Variants in TXK observed in about 807,000 individuals in gnomAD.
TXK encodes tyrosine-protein kinase TXK.
In TXK, 60 loss-of-function variants were observed where a neutral mutation model predicts 81.0. The observed-to-expected ratio is 0.74, with a 90% CI of 0.60 to 0.92. The LOEUF is 0.92. Ranked by LOEUF, TXK falls within the 40% of genes least tolerant of loss-of-function variation. The pLI is 0.00. For synonymous variants in TXK, 203 were observed against 210.7 expected, an observed-to-expected ratio of 0.96 and a Z score of 0.32; for missense variants, 581 against 638.3, an observed-to-expected ratio of 0.91 and a Z score of 0.97.
chr4:48,102,944 T>C (rs926318556), intron 6 of TXK, among the ~76,000 whole-genome samples: 12 of 152,130 alleles, frequency 7.9e-5, no homozygotes, highest in East Asian at 1.9e-4. Context: ...TACAAACACA[T>C]GGACAAAACA....
At chr4:48,084,837 GTTAATCGAGAATGGGTCCA>G in intron 10 of TXK, among the ~76,000 whole-genome samples, 1 of 135,048 alleles carries the variant, frequency 7.4e-6, no homozygotes, top group South Asian at 2.5e-4. Flanking sequence ...AATGGGTCCA[GTTAATCGAGAATGGGTCCA>G]GTTAATCGAG....
rs1376806325 is a variant in TXK, at chr4:48,134,202, T to C, written c.-32A>G. On this transcript the variant is annotated 5_prime_UTR_variant, in exon 1 of 15. Coordinates refer to ENST00000264316, the MANE Select transcript of TXK (RefSeq NM_003328.3). ...CCCTTCTGCGGGGAGCACACAACAG[T>C]CTTCAGTTCTTCTGCGGTGCTCTAC... 1 of 1,611,602 alleles carries C rather than the reference T, an allele frequency of 6.2e-7. No individual in the cohort carries two copies. The highest frequency in any genetic ancestry group is 2.2e-5 in the East Asian group (1 of 44,830).
chr4:48,114,388 A>C lies in TXK; in HGVS notation c.31T>G (p.Ser11Ala). 1 of 1,614,100 alleles carries C rather than the reference A, an allele frequency of 6.2e-7. No homozygotes were observed. Among genetic ancestry groups the C allele is most frequent in the East Asian group, 2.2e-5 (1 of 44,886 alleles). Residue 11 changes from serine to alanine, a missense_variant, in exon 2 of 15, where the codon TCG (serine) becomes GCG (alanine). Ser to Ala is a moderately conservative substitution (Grantham distance 99). Transcript: ENST00000264316. MILSSYNTIQ[S>A]VFCCCCCCSV... ...CAGCAACAGCAGCAACAGAAAACCG[A>C]CTGGATGGTGTTATCTGAAAAGCAG...
At chr4:48,116,871 C>A (rs898793897) in intron 1 of TXK, among the ~76,000 whole-genome samples, 4 of 152,042 alleles carry the variant, frequency 2.6e-5, no homozygotes, top group Admixed American at 6.6e-5. Context: ...CAGTCCACCC[C>A]TCAGCATCCA....
rs142261191 is a variant in TXK, at chr4:48,128,757, C to T, written c.16+5398G>A. 7.2e-3 allele frequency among the ~76,000 whole-genome samples: 1,089 copies of T among 151,652 alleles called. 15 individuals carry two copies. Among genetic ancestry groups the T allele is most frequent in the African/African-American group, 0.025 (1,026 of 41,338 alleles). On this transcript the variant is annotated intron_variant, in intron 1 of 14. Coordinates refer to ENST00000264316, the MANE Select transcript of TXK (RefSeq NM_003328.3). ...TTTCTTTTTGTATTTTTAGTAGAGA[C>T]GGGGTTTCACTGTGTTAGTCAGGAT...
chr4:48,118,515 T>G (rs1467324848), intron 1 of TXK, among the ~76,000 whole-genome samples: 2 of 152,198 alleles, frequency 1.3e-5, no homozygotes, highest in Non-Finnish European at 2.9e-5. Context: ...GATTTCACAG[T>G]CCTTTGAATC....
intron 6 of TXK, among the ~76,000 whole-genome samples, chr4:48,098,899 C>T (rs1316292987): frequency 2.0e-5 from 3 of 151,934 alleles, no homozygotes; most frequent in Admixed American, 1.3e-4. Context: ...CGCCACTGCC[C>T]TCCAGTTTGG....
At chr4:48,105,013 G>A (rs1577672256) in intron 5 of TXK, 58 bp from the exon 6 acceptor site, 3 of 1,292,254 alleles carry the variant, frequency 2.3e-6, no homozygotes, top group East Asian at 2.6e-5. Context: ...TAAGAAAAAA[G>A]TGCTTCATTT....
chr4:48,112,264 G>T, intron 4 of TXK, 43 bp downstream of exon 4: 1 of 1,576,808 alleles, frequency 6.3e-7, no homozygotes, highest in South Asian at 1.1e-5. Flanking sequence ...TCTTCTTTGT[G>T]TTGGAAGAAT....
At chr4:48,125,266 A>T (rs574103473) in intron 1 of TXK, among the ~76,000 whole-genome samples, 3 of 152,366 alleles carry the variant, frequency 2.0e-5, no homozygotes, top group South Asian at 2.1e-4. Context: ...AGAGGCAAAC[A>T]TGGCTAGAAC....
chr4:48,132,040 A>ATTT lies in TXK; in HGVS notation c.16+2112_16+2114dup, dbSNP rs35357614. On this transcript the variant is annotated intron_variant, in intron 1 of 14. Coordinates refer to ENST00000264316, the MANE Select transcript of TXK (RefSeq NM_003328.3). Reference sequence around the variant, plus strand: ...AGGTCAGCACAACTGGAATAACCTGATTTTTTTTTTTTTTTTTTACAAAAT... The same window carrying ATTT: ...AGGTCAGCACAACTGGAATAACCTGATTTTTTTTTTTTTTTTTTTTTACAAAAT... Among the ~76,000 whole-genome samples the ATTT allele has an allele frequency of 1.0e-3, 141 of 138,864 alleles. 1 individual carries two copies. The highest frequency in any genetic ancestry group is 3.7e-3 in the Middle Eastern group (1 of 270). The allele number at this position is 138,864 out of a possible 152,430, so 91.1% of individuals were successfully genotyped here. A position where few individuals can be genotyped will look rare whatever the true frequency, so the allele number is the denominator to read the frequency against.
intron 13 of TXK, among the ~76,000 whole-genome samples, chr4:48,072,295 G>A (rs1406378612): frequency 6.6e-6 from 1 of 152,068 alleles, no homozygotes; most frequent in Non-Finnish European, 1.5e-5. Flanking sequence ...AAGCCATCAC[G>A]CCCGGCCTAG....
rs1222748993 is a variant in TXK at position 48,080,370 on chromosome 4, C to T, written c.957-242G>A. On this transcript the variant is annotated intron_variant, in intron 10 of 14. Transcript: ENST00000264316. ...GAGACAGAATATACACTATATTCTA[C>T]GCGTAAGCATTTTATGTTTCTCCTC... 2.0e-5 allele frequency among the ~76,000 whole-genome samples: 3 copies of T among 152,174 alleles called. No homozygotes were observed. In the South Asian group the frequency reaches 6.2e-4, roughly 32 times the overall value.
At chr4:48,107,174 A>T (rs896210357) in intron 5 of TXK, among the ~76,000 whole-genome samples, 2 of 151,270 alleles carry the variant, frequency 1.3e-5, no homozygotes, top group South Asian at 4.2e-4. Context: ...AGTTTGAATT[A>T]AGCTGATTGT....
In TXK at chr4:48,067,499, CTG is replaced by C. The variant is rs1472888384; in HGVS notation, c.*136_*137del. ...CTTAAATTTTTAAAACTTTTAAAAACTGTGATCTTTGCACTGTTTTCAAGAGT... is the reference window on the plus strand; with the variant it reads ...CTTAAATTTTTAAAACTTTTAAAAACTGATCTTTGCACTGTTTTCAAGAGT... On this transcript the variant is annotated 3_prime_UTR_variant, in exon 15 of 15. Transcript: ENST00000264316. The C allele has an allele frequency of 4.6e-6, 4 of 875,704 alleles. No homozygotes were observed. In the Admixed American group the frequency reaches 9.8e-5, roughly 21 times the overall value. The allele number at this position is 875,704 out of a possible 1,614,324, so 54.2% of individuals were successfully genotyped here.
chr4:48,069,987 A>C (rs574062302), intron 14 of TXK, among the ~76,000 whole-genome samples: 12 of 152,356 alleles, frequency 7.9e-5, no homozygotes, highest in African/African-American at 2.9e-4. Flanking sequence ...CTTGTAAAGT[A>C]GTTAATATAT....
chr4:48,107,497 C>T, intron 5 of TXK, among the ~76,000 whole-genome samples: 1 of 152,092 alleles, frequency 6.6e-6, no homozygotes, highest in Non-Finnish European at 1.5e-5. Context: ...TTTTCTTCCA[C>T]AGCGTCCAAT....
intron 1 of TXK, among the ~76,000 whole-genome samples, chr4:48,115,989 T>C (rs1265505209): frequency 3.9e-5 from 6 of 152,234 alleles, no homozygotes; most frequent in Non-Finnish European, 8.8e-5. Context: ...GAGGTGAGCA[T>C]TCACTTTGAG....
chr4:48,101,638 T>C (rs1718199870), intron 6 of TXK, among the ~76,000 whole-genome samples: 1 of 151,814 alleles, frequency 6.6e-6, no homozygotes, highest in Non-Finnish European at 1.5e-5. Context: ...TTAAGATACA[T>C]AGAAAAAATA....
Sources: gnomAD v4.1 joint callset for allele counts (sites outside exome capture counted in the v4.1 genomes callset) on GRCh38, gnomAD v4.1.1 for gene constraint, MANE v1.5 for transcripts, NCBI Gene and HGNC (gene_info 2026-07-23, HGNC 2026-07-21) for gene names.